The following COA1 variants were observed in gnomAD, a reference collection of about 807,000 sequenced individuals.
COA1 encodes cytochrome c oxidase assembly factor 1 homolog.
Under a neutral mutation model 16.0 loss-of-function variants are expected in COA1, and 13 were observed. The ratio of observed to expected loss-of-function variants is 0.81; its 90% CI spans 0.53 to 1.29. The LOEUF (loss-of-function observed/expected upper bound fraction) is 1.29, where lower values mean the gene tolerates loss of function less well. Ranked by LOEUF, COA1 falls within the 50% of genes most tolerant of loss-of-function variation. The probability of loss-of-function intolerance (pLI) is 0.00; values close to 1 mark genes in which losing one functional copy is unlikely to be tolerated. For missense variants in COA1, 179 were observed against 177.0 expected (o/e 1.01, Z -0.06); for synonymous variants, 65 against 65.7 (o/e 0.99, Z 0.05).
intron 6 of COA1, chr7:43,626,289 T>C (rs149863507): frequency 6.6e-6 from 1 of 152,344 alleles, no homozygotes; most frequent in East Asian, 1.9e-4. Flanking sequence ...TTTTAAAGTA[T>C]GTACAGTAAA....
At chr7:43,669,876 A>G (rs1298803175) in intron 1 of COA1, among the ~76,000 whole-genome samples, 1 of 152,114 alleles carries the variant, frequency 6.6e-6, no homozygotes, top group Non-Finnish European at 1.5e-5. Flanking sequence ...CCCTGACGGA[A>G]ACAGATGAGA....
chr7:43,656,919 T>G (rs985503155), intron 1 of COA1, among the ~76,000 whole-genome samples: 1 of 151,130 alleles, frequency 6.6e-6, no homozygotes, highest in African/African-American at 2.4e-5. Context: ...TCAAGGCCGG[T>G]TGCGGTGGCT....
chr7:43,612,688 T>G (rs2152984895), intron 6 of COA1, among the ~76,000 whole-genome samples: 1 of 152,308 alleles, frequency 6.6e-6, no homozygotes, highest in African/African-American at 2.4e-5. Context: ...AAGGATATAA[T>G]TGACGCTATG....
At chr7:43,677,543 A>T (rs2093587735) in intron 1 of COA1, among the ~76,000 whole-genome samples, 1 of 152,210 alleles carries the variant, frequency 6.6e-6, no homozygotes, top group African/African-American at 2.4e-5. Context: ...TCACGCCTGT[A>T]ATCCCAGCAC....
At chr7:43,669,490 A>G (rs2093119455) in intron 1 of COA1, among the ~76,000 whole-genome samples, 1 of 151,634 alleles carries the variant, frequency 6.6e-6, no homozygotes, top group Non-Finnish European at 1.5e-5. Flanking sequence ...GCATCATGGC[A>G]CCCTGCATTT....
At chr7:43,612,771 G>T (rs2082990519) in intron 6 of COA1, among the ~76,000 whole-genome samples, 1 of 151,838 alleles carries the variant, frequency 6.6e-6, no homozygotes, top group Non-Finnish European at 1.5e-5. Context: ...ACTGAAGACT[G>T]TCAGCCAAAT....
At chr7:43,664,127 G>GAGAGAGAGAGAGAGAGAGAGAGAGAC (rs1231238244) in intron 1 of COA1, among the ~76,000 whole-genome samples, 1 of 150,670 alleles carries the variant, frequency 6.6e-6, no homozygotes, top group Non-Finnish European at 1.5e-5. Context: ...GAGAGAGAGA[G>GAGAGAGAGAGAGAGAGAGAGAGAGAC]AGAGTCTTGC....
intron 1 of COA1, among the ~76,000 whole-genome samples, chr7:43,715,175 T>C (rs1450059715): frequency 6.6e-6 from 1 of 152,198 alleles, no homozygotes; most frequent in African/African-American, 2.4e-5. Flanking sequence ...AGTCTTGAAC[T>C]TTGTTTCATA....
At chr7:43,648,764 GTTAAAA>G (rs1395357284) in intron 1 of COA1, 112 bp from the exon 2 acceptor site, 2 of 744,766 alleles carry the variant, frequency 2.7e-6, no homozygotes, top group East Asian at 2.7e-5. Context: ...CGAACAAGAA[GTTAAAA>G]TTAAACTCTA....
At chr7:43,686,308 T>TC (rs2094023262) in intron 1 of COA1, among the ~76,000 whole-genome samples, 3 of 147,726 alleles carry the variant, frequency 2.0e-5, no homozygotes. Flanking sequence ...TTTGTTTCTT[T>TC]TTTTTTTTTT....
At chr7:43,697,902 G>T (rs547751423) in intron 1 of COA1, among the ~76,000 whole-genome samples, 1 of 152,296 alleles carries the variant, frequency 6.6e-6, no homozygotes, top group African/African-American at 2.4e-5. Context: ...AGACTCATGT[G>T]AGCATCTAAA....
chr7:43,667,902 C>A (rs1360501107), intron 1 of COA1, among the ~76,000 whole-genome samples: 1 of 152,158 alleles, frequency 6.6e-6, no homozygotes, highest in Non-Finnish European at 1.5e-5. Context: ...CTCCTGTGAA[C>A]AAAATTTGGA....
chr7:43,691,425 GAA>G (rs1554542698), intron 1 of COA1, among the ~76,000 whole-genome samples: 3 of 32,390 alleles, frequency 9.3e-5, no homozygotes, highest in African/African-American at 2.4e-4. Context: ...GAAAGAAAAA[GAA>G]AGAAAGAAAG....
intron 1 of COA1, among the ~76,000 whole-genome samples, chr7:43,661,768 A>C (rs957450676): frequency 6.6e-6 from 1 of 152,228 alleles, no homozygotes; most frequent in Non-Finnish European, 1.5e-5. Flanking sequence ...AGACCATTCC[A>C]GGGTGAACAC....
At chr7:43,691,422 A>AG (rs1387612637) in intron 1 of COA1, among the ~76,000 whole-genome samples, 1 of 20,060 alleles carries the variant, frequency 5.0e-5, no homozygotes, top group African/African-American at 1.9e-4. Context: ...GAAGAAAGAA[A>AG]AAGAAAGAAA....
At chr7:43,664,022 C>T (rs1372433397) in intron 1 of COA1, among the ~76,000 whole-genome samples, 1 of 151,650 alleles carries the variant, frequency 6.6e-6, no homozygotes, top group African/African-American at 2.4e-5. Flanking sequence ...TGCCACTTTA[C>T]TCCAGCCTGG....
At chr7:43,678,561 C>A (rs2093634155) in intron 1 of COA1, among the ~76,000 whole-genome samples, 1 of 152,148 alleles carries the variant, frequency 6.6e-6, no homozygotes, top group South Asian at 2.1e-4. Flanking sequence ...TTGCAACTCA[C>A]ACATCTGATA....
rs1554520106 is a variant in COA1, at chr7:43,664,103, A to AAGAGAAAGAGAGAGAG, written c.-38-15452_-38-15451insCTCTCTCTCTTTCTCT. Among the ~76,000 whole-genome samples, 9 of 135,232 alleles carry AAGAGAAAGAGAGAGAG rather than the reference A, an allele frequency of 6.7e-5. No homozygotes were observed. In the South Asian group the frequency reaches 2.0e-3, roughly 31 times the overall value. 88.7% of individuals were successfully genotyped at this position (135,232 alleles called of 152,430 possible). A position where few individuals can be genotyped will look rare whatever the true frequency, so the allele number is the denominator to read the frequency against. ...GAATCATTTAGTATTTGTCTTTAGAAAGAGAGAGAGAGAGAGAGAGAGAGA... is the reference window on the plus strand; with the variant it reads ...GAATCATTTAGTATTTGTCTTTAGAAAGAGAAAGAGAGAGAGAGAGAGAGAGAGAGAGAGAGAGAGA... On this transcript the variant is annotated intron_variant, in intron 1 of 5. Coordinates refer to ENST00000223336, the MANE Select transcript of COA1 (RefSeq NM_018224.4).
At position 43,663,687 on chromosome 7, in the gene COA1, A is replaced by AAAC. The variant is rs1554519874; in HGVS notation, c.-38-15036_-38-15035insGTT. Reference sequence around the variant, plus strand: ...ATCTCAAAAAAAAAAAAAAAAAAAAAACACACACACAAAAAAAAACCTAAA... The same window carrying AAAC: ...ATCTCAAAAAAAAAAAAAAAAAAAAAAACACACACACACAAAAAAAAACCTAAA... On this transcript the variant is annotated intron_variant, in intron 1 of 5. Transcript: ENST00000223336. 1.4e-3 allele frequency among the ~76,000 whole-genome samples: 178 copies of AAAC among 129,336 alleles called. 1 individual carries two copies. Among genetic ancestry groups the AAAC allele is most frequent in the Non-Finnish European group, 2.5e-3 (148 of 58,272 alleles). The allele number at this position is 129,336 out of a possible 152,430, so 84.8% of individuals were successfully genotyped here.
Sources: allele counts gnomAD v4.1 joint callset (sites outside exome capture counted in the v4.1 genomes callset), GRCh38; gene constraint gnomAD v4.1.1; transcripts MANE v1.5; gene names NCBI Gene and HGNC (gene_info 2026-07-23, HGNC 2026-07-21).